CAMTA1: variants seen among roughly 807,000 people sequenced by gnomAD.
The protein encoded by CAMTA1 is calmodulin binding transcription activator 1.
In CAMTA1, 27 loss-of-function variants were observed where a neutral mutation model predicts 170.9. The observed-to-expected ratio is 0.16, with a 90% CI of 0.12 to 0.22. The LOEUF (loss-of-function observed/expected upper bound fraction) is 0.22, where lower values mean the gene tolerates loss of function less well. Ranked by LOEUF, CAMTA1 falls within the 10% of genes least tolerant of loss-of-function variation. The pLI is 1.00. For synonymous variants in CAMTA1, 833 were observed against 891.5 expected, an observed-to-expected ratio of 0.93 and a Z score of 1.17; for missense variants, 1,619 against 2,217.2, an observed-to-expected ratio of 0.73 and a Z score of 5.42.
At chr1:7,246,005 G>A (rs1057395500) in intron 4 of CAMTA1, among the ~76,000 whole-genome samples, 3 of 152,178 alleles carry the variant, frequency 2.0e-5, no homozygotes, top group Admixed American at 1.3e-4. Flanking sequence ...GCCTGAGATT[G>A]CCCCAGAGTG....
At chr1:7,666,125 C>T (rs375528045) in intron 9 of CAMTA1, among the ~76,000 whole-genome samples, 13 of 150,346 alleles carry the variant, frequency 8.6e-5, no homozygotes, top group Admixed American at 7.3e-4. Context: ...GTCGAGATCA[C>T]GCCACTGCAC....
At chr1:6,831,679 T>G (rs1011082201) in intron 3 of CAMTA1, among the ~76,000 whole-genome samples, 8 of 152,216 alleles carry the variant, frequency 5.3e-5, no homozygotes, top group Non-Finnish European at 1.2e-4. Flanking sequence ...CTAATGTTCT[T>G]TTTTTGTTTT....
At chr1:6,997,704 A>G (rs1460417231) in intron 3 of CAMTA1, among the ~76,000 whole-genome samples, 8 of 122,514 alleles carry the variant, frequency 6.5e-5, no homozygotes, top group African/African-American at 2.8e-4. Flanking sequence ...TTTGTTGCCC[A>G]GGCTGGAGTG....
intron 1 of CAMTA1, among the ~76,000 whole-genome samples, chr1:6,800,353 G>A (rs1643591099): frequency 6.6e-6 from 1 of 152,082 alleles, no homozygotes; most frequent in Admixed American, 6.5e-5. Flanking sequence ...GCTGCAGTGA[G>A]CTACGATCAC....
At chr1:7,564,361 C>G (rs960340026) in intron 6 of CAMTA1, among the ~76,000 whole-genome samples, 6 of 152,210 alleles carry the variant, frequency 3.9e-5, no homozygotes, top group African/African-American at 1.4e-4. Context: ...TTGTAAGGGC[C>G]GTGGGAGGGA....
At chr1:7,493,796 GTTGGGAGATT>G (rs2093780529) in intron 6 of CAMTA1, among the ~76,000 whole-genome samples, 1 of 152,232 alleles carries the variant, frequency 6.6e-6, no homozygotes, top group African/African-American at 2.4e-5. Flanking sequence ...AAATGAGGCT[GTTGGGAGATT>G]TTGTAGTCTT....
intron 7 of CAMTA1, among the ~76,000 whole-genome samples, chr1:7,647,688 A>G (rs528343550): frequency 6.6e-6 from 1 of 152,330 alleles, no homozygotes; most frequent in Admixed American, 6.5e-5. Context: ...ATCCTGATCC[A>G]GTATCACCTG....
Position 7,580,347 on chromosome 1 carries a change from A to G in CAMTA1, c.511-60053A>G, listed in dbSNP as rs933280366. ...GAAGAGGAGGAGCTTTCTGGAAGGA[A>G]GCCCTGTGAATGAGGGGAACCCAGG... On this transcript the variant is annotated intron_variant, in intron 6 of 22. Transcript: ENST00000303635. The surrounding 1 kb of genome is among the most constrained non-coding windows in gnomAD (Gnocchi z 4.3). Among the ~76,000 whole-genome samples, 2 of 151,990 alleles carry G rather than the reference A, an allele frequency of 1.3e-5. No individual in the cohort carries two copies. The highest frequency in any genetic ancestry group is 2.9e-5 in the Non-Finnish European group (2 of 67,998).
At chr1:7,671,979 G>A (rs2096064275) in intron 10 of CAMTA1, 1 of 455,986 alleles carries the variant, frequency 2.2e-6, no homozygotes, top group Non-Finnish European at 4.4e-6. Flanking sequence ...TCTGAAGCCT[G>A]TTTCTAGAGC....
At chr1:7,574,596 G>A (rs1383198390) in intron 6 of CAMTA1, among the ~76,000 whole-genome samples, 2 of 152,198 alleles carry the variant, frequency 1.3e-5, no homozygotes, top group Admixed American at 6.5e-5. Flanking sequence ...GATCAGCAGG[G>A]TCATTTTCCA....
At chr1:6,803,343 TC>T (rs1307543523) in intron 1 of CAMTA1, among the ~76,000 whole-genome samples, 1 of 152,244 alleles carries the variant, frequency 6.6e-6, no homozygotes, top group African/African-American at 2.4e-5. Flanking sequence ...AAACAGCCTC[TC>T]TTTAAGTGTA....
Position 7,732,360 on chromosome 1 carries a change from G to GAT in CAMTA1, c.2915-87_2915-86dup. ...TTGGTGAAGTTACGGACGGCATTTG[G>GAT]ATGCTGGTCCCGCAAGGCTGGCGAG... On this transcript the variant is annotated intron_variant, in intron 11 of 22. Transcript: ENST00000303635. The surrounding 1 kb of genome is among the most constrained non-coding windows in gnomAD (Gnocchi z 4.1). 8.7e-7 allele frequency: 1 copy of GAT among 1,154,520 alleles called. No individual in the cohort carries two copies. The highest frequency in any genetic ancestry group is 2.7e-4 in the Middle Eastern group (1 of 3,748). 71.5% of individuals were successfully genotyped at this position (1,154,520 alleles called of 1,614,324 possible).
intron 3 of CAMTA1, among the ~76,000 whole-genome samples, chr1:6,873,261 T>C (rs1038930761): frequency 1.3e-5 from 2 of 152,212 alleles, no homozygotes; most frequent in African/African-American, 4.8e-5. Context: ...TGATTTTTTT[T>C]TTTTTTAAAT....
intron 3 of CAMTA1, among the ~76,000 whole-genome samples, chr1:6,938,146 A>G (rs906130085): frequency 6.6e-6 from 1 of 152,242 alleles, no homozygotes; most frequent in Admixed American, 6.5e-5. Context: ...TACTGTTAAG[A>G]TTTTATAGGA....
At chr1:7,558,967 C>G (rs1040071116) in intron 6 of CAMTA1, among the ~76,000 whole-genome samples, 1 of 152,180 alleles carries the variant, frequency 6.6e-6, no homozygotes, top group Non-Finnish European at 1.5e-5. Flanking sequence ...GGCTGGGTCT[C>G]GGACCCCCGT....
chr1:6,839,686 T>C (rs1654879216), intron 3 of CAMTA1, among the ~76,000 whole-genome samples: 1 of 152,076 alleles, frequency 6.6e-6, no homozygotes, highest in African/African-American at 2.4e-5. Context: ...ATATTTGAGC[T>C]GAGAACTGAA....
intron 11 of CAMTA1, among the ~76,000 whole-genome samples, chr1:7,717,685 A>G (rs1471001567): frequency 1.3e-5 from 2 of 152,060 alleles, no homozygotes; most frequent in Non-Finnish European, 2.9e-5. Context: ...TCATGTTTGC[A>G]CCACTGCACT....
At chr1:7,637,201 G>A (rs993212939) in intron 6 of CAMTA1, among the ~76,000 whole-genome samples, 12 of 152,228 alleles carry the variant, frequency 7.9e-5, no homozygotes, top group Non-Finnish European at 1.8e-4. Context: ...GGCCTCCCAC[G>A]GGTCCCAGGC....
intron 3 of CAMTA1, among the ~76,000 whole-genome samples, chr1:6,974,875 A>T (rs1204449437): frequency 1.3e-5 from 2 of 152,346 alleles, no homozygotes; most frequent in East Asian, 3.9e-4. Flanking sequence ...TAATAAAAAA[A>T]ATTTATCTGA....
Sources: gnomAD v4.1 joint callset for allele counts (sites outside exome capture counted in the v4.1 genomes callset) on GRCh38, gnomAD v4.1.1 for gene constraint, Gnocchi (gnomAD v3.1) non-coding constraint, MANE v1.5 for transcripts, NCBI Gene and HGNC (gene_info 2026-07-23, HGNC 2026-07-21) for gene names.